Variants in EVC observed in about 807,000 individuals in gnomAD.
EVC encodes evC complex member EVC.
Under a neutral mutation model 118.9 loss-of-function variants are expected in EVC, and 116 were observed. The observed-to-expected ratio is 0.98, with a 90% CI of 0.84 to 1.14. The LOEUF (loss-of-function observed/expected upper bound fraction) is 1.14, where lower values mean the gene tolerates loss of function less well. Among genes scored for constraint, EVC ranks in the 50% most tolerant of loss-of-function variants. The pLI is 0.00. For synonymous variants in EVC, 619 were observed against 534.7 expected (o/e 1.16, Z -2.18); for missense variants, 1,401 against 1,246.4 (o/e 1.12, Z -1.87).
intron 11 of EVC, among the ~76,000 whole-genome samples, chr4:5,774,988 CTTA>C (rs1382472727): frequency 1.3e-5 from 2 of 152,102 alleles, no homozygotes; most frequent in Non-Finnish European, 2.9e-5. Context: ...CAGCACATTT[CTTA>C]TTAGAAGGAG....
intron 12 of EVC, among the ~76,000 whole-genome samples, chr4:5,786,740 C>T (rs1440481166): frequency 2.0e-5 from 3 of 152,046 alleles, no homozygotes; most frequent in Non-Finnish European, 4.4e-5. Context: ...AGTGTGATGA[C>T]AGGTGCCTGT....
At chr4:5,768,833 G>A (rs553749474) in intron 11 of EVC, among the ~76,000 whole-genome samples, 1 of 61,534 alleles carries the variant, frequency 1.6e-5, no homozygotes, top group South Asian at 3.5e-4. Context: ...CTCTAGCCTG[G>A]TGACAGAGCA....
downstream of EVC, among the ~76,000 whole-genome samples, chr4:5,815,501 G>A (rs143781288): frequency 7.2e-5 from 11 of 152,256 alleles, no homozygotes; most frequent in Middle Eastern, 6.8e-3. Flanking sequence ...AGGGTAAAGC[G>A]TGATTTATAG....
Position 5,738,608 on chromosome 4 carries a change from T to C in EVC, c.703-3108T>C. Among the ~76,000 whole-genome samples the C allele has an allele frequency of 7.0e-6, 1 of 143,852 alleles. No individual in the cohort carries two copies. The highest frequency in any genetic ancestry group is 1.5e-5 in the Non-Finnish European group (1 of 65,802). The allele number at this position is 143,852 out of a possible 152,430, so 94.4% of individuals were successfully genotyped here. ...CTCCACCAGCTAAAAGATTACAACT[T>C]TTTTTTTTTTTTTAAGACGGAGATC... is the stretch of plus-strand genomic sequence containing the variant. On this transcript the variant is annotated intron_variant, in intron 5 of 20. Transcript: ENST00000264956. This position sits in a 1 kb window ranked among gnomAD's most constrained non-coding sequence, Gnocchi z 6.5.
rs903090128 is a variant in EVC at position 5,749,319 on chromosome 4, C to T, written c.1098+1013C>T. Among the ~76,000 whole-genome samples, 2 of 143,450 alleles carry T rather than the reference C, an allele frequency of 1.4e-5. No homozygotes were observed. Among genetic ancestry groups the T allele is most frequent in the African/African-American group, 5.3e-5 (2 of 37,614 alleles). The allele number at this position is 143,450 out of a possible 152,430, so 94.1% of individuals were successfully genotyped here. ...TTAGGCCACACATAAAATACATTAA[C>T]ACTAACGATAGCTGATGAGCGGAAA... is the stretch of plus-strand genomic sequence containing the variant. On this transcript the variant is annotated intron_variant, in intron 8 of 20. Transcript: ENST00000264956. The surrounding 1 kb of genome is among the most constrained non-coding windows in gnomAD (Gnocchi z 4.4).
At chr4:5,714,493 G>C (rs1307072865) in intron 1 of EVC, among the ~76,000 whole-genome samples, 1 of 99,038 alleles carries the variant, frequency 1.0e-5, no homozygotes, top group Non-Finnish European at 1.8e-5. Context: ...GCTGCTGCTT[G>C]CATTTTTTTT....
At position 5,756,806 on chromosome 4, in the gene EVC, C is replaced by T. The variant is rs1731251943; in HGVS notation, c.1563+444C>T. Among the ~76,000 whole-genome samples, 1 of 152,126 alleles carries T rather than the reference C, an allele frequency of 6.6e-6. No homozygotes were observed. On this transcript the variant is annotated intron_variant, in intron 11 of 20. Coordinates refer to ENST00000264956, the MANE Select transcript of EVC (RefSeq NM_153717.3). The surrounding 1 kb of genome is among the most constrained non-coding windows in gnomAD (Gnocchi z 4.2). ...GCAGGTCTGGGGTGGGGAGGTGAAGCTGGCCATGCTTGCCCTGCAGGGTGA... is the reference window on the plus strand; with the variant it reads ...GCAGGTCTGGGGTGGGGAGGTGAAGTTGGCCATGCTTGCCCTGCAGGGTGA...
chr4:5,787,056 C>G (rs1477039419), intron 12 of EVC, among the ~76,000 whole-genome samples: 2 of 152,190 alleles, frequency 1.3e-5, no homozygotes, highest in African/African-American at 4.8e-5. Flanking sequence ...GCCTTTCCCA[C>G]ATTGTTTTCT....
intron 1 of EVC, among the ~76,000 whole-genome samples, chr4:5,716,592 T>A (rs1281643392): frequency 1.3e-5 from 2 of 152,110 alleles, no homozygotes; most frequent in Non-Finnish European, 2.9e-5. Flanking sequence ...GGGGTCCAGG[T>A]TTCTGAAAAA....
In EVC at chr4:5,793,607, G is replaced by A. The variant is rs1262933856; in HGVS notation, c.1777-1G>A. ...GCTCTGTCCCTCTGTCCCGAGTTCA[G>A]GTGTGGATGGAGGAGTGTGCGCTGT... On this transcript the variant is annotated splice_acceptor_variant, in intron 12 of 20. Coordinates refer to ENST00000264956, the MANE Select transcript of EVC (RefSeq NM_153717.3). LOFTEE classifies it high-confidence loss of function. The A allele has an allele frequency of 1.0e-5, 16 of 1,551,602 alleles. No individual in the cohort carries two copies. Among genetic ancestry groups the A allele is most frequent in the Non-Finnish European group, 1.2e-5 (14 of 1,146,934 alleles).
At chr4:5,824,327 A>G in the EVC span, 4 of 985,426 alleles carry the variant, frequency 4.1e-6, no homozygotes, top group Non-Finnish European at 3.6e-6. Context: ...GTGCAAAAAT[A>G]TGAAACACTG....
At chr4:5,775,599 G>A (rs1438926223) in intron 11 of EVC, among the ~76,000 whole-genome samples, 2 of 152,150 alleles carry the variant, frequency 1.3e-5, no homozygotes, top group Non-Finnish European at 2.9e-5. Context: ...CCATCCGTGT[G>A]GTTGTATGTT....
chr4:5,766,994 C>A (rs1732984502), intron 11 of EVC, among the ~76,000 whole-genome samples: 1 of 150,980 alleles, frequency 6.6e-6, no homozygotes, highest in Non-Finnish European at 1.5e-5. Context: ...TTAGAGTTTC[C>A]AGTTTTTCTG....
intron 6 of EVC, 99 bp from the exon 7 acceptor site, chr4:5,745,105 G>A (rs939844212): frequency 8.4e-7 from 1 of 1,194,894 alleles, no homozygotes; most frequent in African/African-American, 1.6e-5. Flanking sequence ...AAAATATTTT[G>A]TGAAATTTGA....
At chr4:5,786,607 C>A (rs10028041) in intron 12 of EVC, among the ~76,000 whole-genome samples, 10,624 of 152,254 alleles carry the variant, frequency 0.07, 546 homozygotes, top group South Asian at 0.15. Context: ...GGTGCGGTGG[C>A]TCACGCCTAT....
intron 5 of EVC, among the ~76,000 whole-genome samples, chr4:5,735,592 C>T (rs1186913229): frequency 4.6e-5 from 7 of 152,182 alleles, no homozygotes; most frequent in African/African-American, 1.4e-4. Context: ...TCTGCACGTA[C>T]ACTCTGGTAG....
chr4:5,730,615 G>A (rs907343960), intron 3 of EVC, among the ~76,000 whole-genome samples: 5 of 152,148 alleles, frequency 3.3e-5, no homozygotes, highest in African/African-American at 9.6e-5. Flanking sequence ...GAAATACACC[G>A]AGAATGCAGG....
rs373005886 is a variant in EVC, at chr4:5,711,694, C to T, written c.174+140C>T. The T allele has an allele frequency of 1.5e-5, 11 of 747,922 alleles. 1 individual carries two copies. Among genetic ancestry groups the T allele is most frequent in the East Asian group, 1.5e-4 (2 of 13,062 alleles). The allele number at this position is 747,922 out of a possible 1,614,324, so 46.3% of individuals were successfully genotyped here. On this transcript the variant is annotated intron_variant, in intron 1 of 20. Coordinates refer to ENST00000264956, the MANE Select transcript of EVC (RefSeq NM_153717.3). ...CACGCAACCGCTTAGGCGTCGGGTT[C>T]CCCTTCTGCTCCAGGAGGGAGGTGG...
intron 5 of EVC, among the ~76,000 whole-genome samples, chr4:5,740,005 A>G (rs1347282021): frequency 6.6e-6 from 1 of 152,230 alleles, no homozygotes; most frequent in East Asian, 1.9e-4. Flanking sequence ...AAGAGGCAAA[A>G]GCACTTCAAT....
Sources: allele counts gnomAD v4.1 joint callset (sites outside exome capture counted in the v4.1 genomes callset), GRCh38; gene constraint gnomAD v4.1.1; non-coding constraint Gnocchi (gnomAD v3.1); transcripts MANE v1.5; gene names NCBI Gene and HGNC (gene_info 2026-07-23, HGNC 2026-07-21).